Variants in AFDN observed in about 807,000 individuals in gnomAD.
The protein encoded by AFDN is afadin, adherens junction formation factor.
In AFDN, 68 loss-of-function variants were observed where a neutral mutation model predicts 216.6. The observed-to-expected ratio is 0.31, with a 90% confidence interval of 0.26 to 0.38. The LOEUF is 0.38. AFDN is among the 10% of genes least tolerant of loss of function. The pLI is 1.00. For synonymous variants in AFDN, 868 were observed against 853.7 expected (o/e 1.02, Z -0.29); for missense variants, 2,136 against 2,342.0 (o/e 0.91, Z 1.82).
At position 167,834,593 on chromosome 6, in the gene AFDN, A is replaced by G. The variant is rs549485669; in HGVS notation, c.105+7356A>G. On this transcript the variant is annotated intron_variant, in intron 1 of 33. Coordinates refer to ENST00000683244, the MANE Select transcript of AFDN (RefSeq NM_001386888.1). ...GCCACCCATGGAACGATTCTTTTTA[A>G]GAGGCATTGGGAATAAAACCAGTTG... Among the ~76,000 whole-genome samples, 4 of 150,112 alleles carry G rather than the reference A, an allele frequency of 2.7e-5. No homozygotes were observed. The South Asian group carries it at 8.6e-4, about 32-fold the overall frequency.
intron 23 of AFDN, among the ~76,000 whole-genome samples, chr6:167,934,940 CG>C (rs144216008): frequency 0.015 from 2,253 of 152,260 alleles, 54 homozygotes; most frequent in African/African-American, 0.052. Flanking sequence ...CATTTCTCAT[CG>C]GATGTACAAA....
chr6:167,878,586 ACT>A (rs372904036), intron 5 of AFDN, among the ~76,000 whole-genome samples: 19,994 of 138,940 alleles, frequency 0.14, 1,452 homozygotes, highest in Non-Finnish European at 0.17. Context: ...ACACACACCC[ACT>A]CTCTCTCTCT....
At chr6:167,879,861 T>C (rs989845788) in intron 5 of AFDN, among the ~76,000 whole-genome samples, 3 of 152,212 alleles carry the variant, frequency 2.0e-5, no homozygotes, top group African/African-American at 7.2e-5. Flanking sequence ...GGTTCCTACT[T>C]CACTTTTTAA....
chr6:167,875,210 A>T (rs1384907020), intron 4 of AFDN, 125 bp from the exon 5 acceptor site: 1 of 778,100 alleles, frequency 1.3e-6, no homozygotes, highest in Non-Finnish European at 2.1e-6. Context: ...AGTACGTAAC[A>T]GACCTCTTAG....
rs753068854 is a variant in AFDN at position 167,962,551 on chromosome 6, G to A, written c.4952G>A (p.Arg1651Gln). 2 of 1,613,988 alleles carry A rather than the reference G, an allele frequency of 1.2e-6. No homozygotes were observed. Among genetic ancestry groups the A allele is most frequent in the Non-Finnish European group, 1.7e-6 (2 of 1,179,886 alleles). Reference sequence around the variant, plus strand: ...CGGCAGGAGGAGGAGCGAACAAAACGAGACGCTGAAGAAAAGGTTATGGTC... The same window carrying A: ...CGGCAGGAGGAGGAGCGAACAAAACAAGACGCTGAAGAAAAGGTTATGGTC... The part of the protein sequence containing the change: ...RRRQEEERTK[R>Q]DAEEKRRQEE... Residue 1651 changes from arginine to glutamine, a missense_variant, in exon 31 of 34, where the codon CGA becomes CAA. This residue lies in a region of AFDN where 981 missense variants were observed against 966.0 expected (regional missense o/e 1.02). Coordinates refer to ENST00000683244, the MANE Select transcript of AFDN (RefSeq NM_001386888.1). This position sits in a 1 kb window ranked among gnomAD's most constrained non-coding sequence, Gnocchi z 5.2.
chr6:167,876,647 T>C (rs370538301), intron 5 of AFDN, among the ~76,000 whole-genome samples: 24 of 152,234 alleles, frequency 1.6e-4, no homozygotes, highest in African/African-American at 5.1e-4. Flanking sequence ...TACTCAGGTA[T>C]GGGCTAGAGG....
chr6:167,867,982 TGA>T (rs1784376497), intron 2 of AFDN, among the ~76,000 whole-genome samples: 1 of 152,198 alleles, frequency 6.6e-6, no homozygotes, highest in Non-Finnish European at 1.5e-5. Flanking sequence ...TTCCCCTGCG[TGA>T]GGCTGTAGTA....
chr6:167,915,567 A>C, intron 19 of AFDN, 134 bp downstream of exon 19: 1 of 1,033,820 alleles, frequency 9.7e-7, no homozygotes, highest in Non-Finnish European at 1.4e-6. Context: ...CAAATAATGA[A>C]GTAGTGCTAT....
chr6:167,921,088 G>C (rs1037884657), intron 21 of AFDN, among the ~76,000 whole-genome samples: 4 of 152,228 alleles, frequency 2.6e-5, no homozygotes, highest in Middle Eastern at 3.2e-3. Context: ...TATGTTCAGT[G>C]CTCAGTAACT....
chr6:167,902,850 A>G (rs964591679), intron 12 of AFDN, among the ~76,000 whole-genome samples: 1 of 152,162 alleles, frequency 6.6e-6, no homozygotes, highest in African/African-American at 2.4e-5. Flanking sequence ...CTTTGTAAAA[A>G]CAGACTTCCC....
chr6:167,933,067 A>G (rs1427442613), intron 23 of AFDN, among the ~76,000 whole-genome samples: 3 of 152,306 alleles, frequency 2.0e-5, no homozygotes, highest in African/African-American at 7.2e-5. Context: ...AACTGCCGCT[A>G]TGTAACTTGC....
intron 1 of AFDN, among the ~76,000 whole-genome samples, chr6:167,858,922 G>C (rs1783206133): frequency 6.6e-6 from 1 of 152,026 alleles, no homozygotes; most frequent in Non-Finnish European, 1.5e-5. Context: ...AAAATTCTAA[G>C]GTAATGGAAT....
At chr6:167,866,720 C>T (rs555823547) in intron 2 of AFDN, among the ~76,000 whole-genome samples, 14 of 152,310 alleles carry the variant, frequency 9.2e-5, no homozygotes, top group South Asian at 4.2e-4. Context: ...TACAGCGTTA[C>T]GGAAAACCCA....
intron 11 of AFDN, 32 bp from the exon 12 acceptor site, chr6:167,902,285 A>G: frequency 6.7e-7 from 1 of 1,500,784 alleles, no homozygotes; most frequent in Non-Finnish European, 9.3e-7. Flanking sequence ...GAATGTTATT[A>G]AGTCAGTGTG....
chr6:167,914,593 C>A, intron 17 of AFDN, 51 bp from the exon 18 acceptor site: 2 of 1,305,930 alleles, frequency 1.5e-6, no homozygotes, highest in Non-Finnish European at 2.2e-6. Context: ...ACATGTCTGA[C>A]AATAGCTGTC....
At chr6:167,895,997 C>T (rs368571497) in intron 9 of AFDN, among the ~76,000 whole-genome samples, 1 of 152,132 alleles carries the variant, frequency 6.6e-6, no homozygotes, top group Non-Finnish European at 1.5e-5. Flanking sequence ...CACATTTTCT[C>T]ATATGTCAAC....
chr6:167,928,058 T>C (rs1168537607), intron 23 of AFDN, among the ~76,000 whole-genome samples: 1 of 152,216 alleles, frequency 6.6e-6, no homozygotes, highest in Non-Finnish European at 1.5e-5. Flanking sequence ...AGTAGGGGGC[T>C]TCCAAGATCA....
At position 167,936,426 on chromosome 6, in the gene AFDN, G is replaced by A. The variant is rs1000957491; in HGVS notation, c.3100-6703G>A. On this transcript the variant is annotated intron_variant, in intron 23 of 33. Coordinates refer to ENST00000683244, the MANE Select transcript of AFDN (RefSeq NM_001386888.1). ...CATAAAATGAATTTTAATTGTGTGC[G>A]CATGTAAATATAAAGACACTAATTA... 4.6e-5 allele frequency among the ~76,000 whole-genome samples: 7 copies of A among 152,226 alleles called. No homozygotes were observed. In the South Asian group the frequency reaches 8.3e-4, roughly 18 times the overall value.
At chr6:167,891,408 GGTGTGTGTGTGTGTGTGTGT>G (rs71004178) in intron 8 of AFDN, among the ~76,000 whole-genome samples, 3 of 72,050 alleles carry the variant, frequency 4.2e-5, no homozygotes, top group South Asian at 6.7e-4. Flanking sequence ...TAAAGGGGTG[GGTGTGTGTGTGTGTGTGTGT>G]GTGTGTGTGT....
Sources: allele counts gnomAD v4.1 joint callset (sites outside exome capture counted in the v4.1 genomes callset), GRCh38; gene constraint gnomAD v4.1.1; regional missense constraint gnomAD v4.1.1; non-coding constraint Gnocchi (gnomAD v3.1); transcripts MANE v1.5; gene names NCBI Gene and HGNC (gene_info 2026-07-23, HGNC 2026-07-21).